Variants in MLPH observed in about 807,000 individuals in gnomAD.
The protein encoded by MLPH is melanophilin.
A neutral mutation model predicts 72.1 loss-of-function variants in MLPH; 51 were observed. The ratio of observed to expected loss-of-function variants is 0.71; its 90% CI spans 0.56 to 0.89. MLPH has a LOEUF of 0.89. MLPH is among the 40% of genes least tolerant of loss of function. The pLI is 0.00. For synonymous variants in MLPH, 301 were observed against 310.1 expected (o/e 0.97, Z 0.31); for missense variants, 743 against 759.9 (o/e 0.98, Z 0.26).
chr2:237,539,442 T>C (rs1335080939), intron 9 of MLPH, among the ~76,000 whole-genome samples: 1 of 152,138 alleles, frequency 6.6e-6, no homozygotes, highest in Non-Finnish European at 1.5e-5. Context: ...AAAATGTGAG[T>C]TTTACAGTGT....
intron 7 of MLPH, 197 bp from the exon 8 acceptor site, chr2:237,527,180 C>CT (rs1468748984): frequency 1.4e-6 from 1 of 691,460 alleles, no homozygotes; most frequent in Non-Finnish European, 2.5e-6. Flanking sequence ...GCAAGGTCCT[C>CT]TTTTTTCCTG....
At chr2:237,515,850 G>A (rs1427083134) in intron 4 of MLPH, among the ~76,000 whole-genome samples, 1 of 152,198 alleles carries the variant, frequency 6.6e-6, no homozygotes, top group Non-Finnish European at 1.5e-5. Flanking sequence ...GGAAGCCACA[G>A]GAAGGGGAAC....
rs57188478 is a variant in MLPH at position 237,516,913 on chromosome 2, T to A, written c.446-1626T>A. 3.7e-3 allele frequency among the ~76,000 whole-genome samples: 270 copies of A among 73,634 alleles called. 1 individual carries two copies. Among genetic ancestry groups the A allele is most frequent in the African/African-American group, 0.028 (259 of 9,216 alleles). 48.3% of individuals were successfully genotyped at this position (73,634 alleles called of 152,430 possible). ...GATGGATGGTAGGATGGATGGATGG[T>A]AGGATGGATGGATGGATGGATGGAT... On this transcript the variant is annotated intron_variant, in intron 4 of 15. Coordinates refer to ENST00000264605, the MANE Select transcript of MLPH (RefSeq NM_024101.7).
chr2:237,553,957 G>T lies in MLPH; in HGVS notation c.*365G>T. On this transcript the variant is annotated 3_prime_UTR_variant, in exon 16 of 16. Coordinates refer to ENST00000264605, the MANE Select transcript of MLPH (RefSeq NM_024101.7). ...CTTGGCTTTCTTATGTTGCTTTCATGAATGGAATGGAAAAAAGATGACTCA... is the reference window on the plus strand; with the variant it reads ...CTTGGCTTTCTTATGTTGCTTTCATTAATGGAATGGAAAAAAGATGACTCA... 2.5e-6 allele frequency: 1 copy of T among 400,238 alleles called. No homozygotes were observed. The highest frequency in any genetic ancestry group is 2.2e-5 in the South Asian group (1 of 46,216). The allele number at this position is 400,238 out of a possible 1,614,324, so 24.8% of individuals were successfully genotyped here. A position where few individuals can be genotyped will look rare whatever the true frequency, so the allele number is the denominator to read the frequency against.
chr2:237,546,289 T>C (rs568014358), intron 12 of MLPH: 3 of 406,438 alleles, frequency 7.4e-6, no homozygotes, highest in South Asian at 6.5e-5. Context: ...GTGAATAGAA[T>C]GGGAGGCAGC....
At position 237,553,811 on chromosome 2, in the gene MLPH, C is replaced by A; in HGVS notation, c.*219C>A. 1 of 722,228 alleles carries A rather than the reference C, an allele frequency of 1.4e-6. No homozygotes were observed. Among genetic ancestry groups the A allele is most frequent in the African/African-American group, 1.7e-5 (1 of 57,640 alleles). 44.7% of individuals were successfully genotyped at this position (722,228 alleles called of 1,614,324 possible). A position where few individuals can be genotyped will look rare whatever the true frequency, so the allele number is the denominator to read the frequency against. On this transcript the variant is annotated 3_prime_UTR_variant, in exon 16 of 16. Transcript: ENST00000264605. Reference sequence around the variant, plus strand: ...TACTGATGACTCCTGGCTGCCCCACCATCCTCTCTGATCTGTGAGAAACAG... The same window carrying A: ...TACTGATGACTCCTGGCTGCCCCACAATCCTCTCTGATCTGTGAGAAACAG...
In MLPH at chr2:237,542,575, C is replaced by A; in HGVS notation, c.1455C>A (p.Asp485Glu). 1.2e-6 allele frequency: 2 copies of A among 1,601,492 alleles called. No individual in the cohort carries two copies. Among genetic ancestry groups the A allele is most frequent in the Admixed American group, 1.7e-5 (1 of 58,490 alleles). The change falls in exon 12 of 16, where the codon GAC becomes GAA. Residue 485 changes from aspartate to glutamate, a missense_variant. By Grantham distance (45) the Asp-to-Glu change is conservative. Coordinates refer to ENST00000264605, the MANE Select transcript of MLPH (RefSeq NM_024101.7). Reference protein sequence around the residue: ...EVQQAESEVSDIESRIAALRA... With the variant: ...EVQQAESEVSEIESRIAALRA... ...CTGCTGTCCTCTCGCAGGTTTCAGACATTGAATCCAGGATTGCAGCCCTGA... is the reference window on the plus strand; with the variant it reads ...CTGCTGTCCTCTCGCAGGTTTCAGAAATTGAATCCAGGATTGCAGCCCTGA...
chr2:237,509,295 T>C (rs1175031115), intron 2 of MLPH, among the ~76,000 whole-genome samples: 2 of 152,234 alleles, frequency 1.3e-5, no homozygotes, highest in Non-Finnish European at 2.9e-5. Flanking sequence ...TTAAGAGGAC[T>C]CCTCCAGCCT....
In MLPH at chr2:237,525,791, C is replaced by T. The variant is rs11883500; in HGVS notation, c.866C>T (p.Thr289Ile). 0.16 allele frequency: 254,183 copies of T among 1,612,474 alleles called. 21,276 individuals carry two copies. The highest frequency in any genetic ancestry group is 0.23 in the African/African-American group (17,603 of 74,990). The change falls in exon 7 of 16, where the codon ACT becomes ATT. Residue 289 changes from threonine to isoleucine, a missense_variant. Thr to Ile is a moderately conservative substitution (Grantham distance 89). Coordinates refer to ENST00000264605, the MANE Select transcript of MLPH (RefSeq NM_024101.7). ...PGGSHRMALG[T>I]AAALGSNVIR... ...GGCTCCCACAGGATGGCCCTGGGGACTGCTGCTGCACTCGGTAGGTGCCCT... is the reference window on the plus strand; with the variant it reads ...GGCTCCCACAGGATGGCCCTGGGGATTGCTGCTGCACTCGGTAGGTGCCCT...
chr2:237,534,713 G>A (rs1401242877), intron 9 of MLPH, 66 bp downstream of exon 9: 3 of 1,265,184 alleles, frequency 2.4e-6, no homozygotes, highest in Non-Finnish European at 3.5e-6. Flanking sequence ...AGGCTGAAGT[G>A]TGACATGGGC....
intron 14 of MLPH, among the ~76,000 whole-genome samples, chr2:237,550,105 G>A (rs966689994): frequency 1.2e-4 from 18 of 152,334 alleles, no homozygotes; most frequent in African/African-American, 4.3e-4. Context: ...CACAGCGGAC[G>A]CTGGTTTCAG....
rs1486741880 is a variant in MLPH, at chr2:237,510,491, G to A, written c.111-83G>A. On this transcript the variant is annotated intron_variant, in intron 2 of 15. Coordinates refer to ENST00000264605, the MANE Select transcript of MLPH (RefSeq NM_024101.7). This position sits in a 1 kb window ranked among gnomAD's most constrained non-coding sequence, Gnocchi z 4.4. ...TGTGTATGTGTCTGTGTCTGTGTGT[G>A]TGTGTATGTACGTGTACACACTTAA... 4.2e-6 allele frequency: 5 copies of A among 1,188,176 alleles called. No homozygotes were observed. The African/African-American group carries it at 6.0e-5, about 14-fold the overall frequency. The allele number at this position is 1,188,176 out of a possible 1,614,324, so 73.6% of individuals were successfully genotyped here. A position where few individuals can be genotyped will look rare whatever the true frequency, so the allele number is the denominator to read the frequency against.
chr2:237,528,094 C>T (rs1353278007), intron 8 of MLPH, among the ~76,000 whole-genome samples: 1 of 152,060 alleles, frequency 6.6e-6, no homozygotes. Flanking sequence ...GAGACAGAAA[C>T]TAGAATAGTA....
At chr2:237,490,284 G>A (rs1049114307) in intron 1 of MLPH, among the ~76,000 whole-genome samples, 2 of 151,664 alleles carry the variant, frequency 1.3e-5, no homozygotes, top group Non-Finnish European at 2.9e-5. Flanking sequence ...AGCCATGATT[G>A]CACTATCGCA....
chr2:237,538,541 C>T (rs994255186), intron 9 of MLPH, among the ~76,000 whole-genome samples: 4 of 152,184 alleles, frequency 2.6e-5, no homozygotes, highest in Admixed American at 6.5e-5. Context: ...CTGGCGGCGT[C>T]GCTGTCCGAC....
In MLPH at chr2:237,512,621, C is replaced by T. The variant is rs551911374; in HGVS notation, c.445+1520C>T. Among the ~76,000 whole-genome samples the T allele has an allele frequency of 6.6e-6, 1 of 152,114 alleles. No homozygotes were observed. The highest frequency in any genetic ancestry group is 1.5e-5 in the Non-Finnish European group (1 of 68,032). On this transcript the variant is annotated intron_variant, in intron 4 of 15. Transcript: ENST00000264605. This position sits in a 1 kb window ranked among gnomAD's most constrained non-coding sequence, Gnocchi z 5.5. ...GAAGCCTAGCAGCAAATCCCACCTCCCCACACGCACACGGCCAGCCTGGAG... is the reference window on the plus strand; with the variant it reads ...GAAGCCTAGCAGCAAATCCCACCTCTCCACACGCACACGGCCAGCCTGGAG...
At chr2:237,497,828 A>T (rs1475179729) in intron 2 of MLPH, among the ~76,000 whole-genome samples, 1 of 152,224 alleles carries the variant, frequency 6.6e-6, no homozygotes, top group Non-Finnish European at 1.5e-5. Context: ...TCTCTGGGTG[A>T]CATCCTCGGG....
chr2:237,491,428 T>C (rs1279472133), intron 1 of MLPH, among the ~76,000 whole-genome samples: 1 of 152,244 alleles, frequency 6.6e-6, no homozygotes, highest in Non-Finnish European at 1.5e-5. Context: ...TGTCTGTAGC[T>C]GCAGCATCTG....
intron 4 of MLPH, among the ~76,000 whole-genome samples, chr2:237,517,092 G>T (rs1193843462): frequency 6.8e-6 from 1 of 147,570 alleles, no homozygotes; most frequent in Non-Finnish European, 1.5e-5. Context: ...TGGGTGGATA[G>T]ATGGATAGGT....
Sources: allele counts gnomAD v4.1 joint callset (sites outside exome capture counted in the v4.1 genomes callset), GRCh38; gene constraint gnomAD v4.1.1; non-coding constraint Gnocchi (gnomAD v3.1); transcripts MANE v1.5; gene names NCBI Gene and HGNC (gene_info 2026-07-23, HGNC 2026-07-21).